The following TUSC3 variants were observed in gnomAD, a reference collection of about 807,000 sequenced individuals.
TUSC3 encodes dolichyl-diphosphooligosaccharide--protein glycosyltransferase subunit TUSC3.
TUSC3 carries 45 observed loss-of-function variants against 44.8 expected under a neutral mutation model. The observed-to-expected ratio is 1.00, with a 90% confidence interval of 0.79 to 1.29. The LOEUF is 1.29. Ranked by LOEUF, TUSC3 falls within the 50% of genes most tolerant of loss-of-function variation. The pLI, the probability that TUSC3 is intolerant of heterozygous loss-of-function variation, is 0.00. For synonymous variants in TUSC3, 212 were observed against 152.9 expected (o/e 1.39, Z -2.85); for missense variants, 519 against 437.9 (o/e 1.19, Z -1.65).
chr8:15,636,756 CCAGTGGGAGATTAA>C (rs1197256769), intron 2 of TUSC3, among the ~76,000 whole-genome samples: 4 of 152,116 alleles, frequency 2.6e-5, no homozygotes, highest in Non-Finnish European at 5.9e-5. Context: ...GACGAATGTT[CCAGTGGGAGATTAA>C]CTTATTTCAG....
At chr8:15,741,466 T>G (rs925626036) in intron 7 of TUSC3, among the ~76,000 whole-genome samples, 1 of 152,210 alleles carries the variant, frequency 6.6e-6, no homozygotes, top group Non-Finnish European at 1.5e-5. Context: ...CCCAGCACTT[T>G]GGGAGACCGA....
chr8:15,633,164 G>A (rs976696589), intron 2 of TUSC3, among the ~76,000 whole-genome samples: 2 of 152,114 alleles, frequency 1.3e-5, no homozygotes, highest in Non-Finnish European at 2.9e-5. Flanking sequence ...TATTATTGTA[G>A]CAGAGCATTA....
chr8:15,604,571 T>C (rs1804437080), intron 1 of TUSC3, among the ~76,000 whole-genome samples: 1 of 151,826 alleles, frequency 6.6e-6, no homozygotes, highest in Non-Finnish European at 1.5e-5. Flanking sequence ...AGATTATCAG[T>C]TGCAAAGGGG....
intron 6 of TUSC3, among the ~76,000 whole-genome samples, chr8:15,707,927 T>C (rs1231565700): frequency 6.6e-6 from 1 of 151,938 alleles, no homozygotes; most frequent in African/African-American, 2.4e-5. Context: ...TTGCTGGCAA[T>C]TGCTAGCGTT....
intron 2 of TUSC3, among the ~76,000 whole-genome samples, chr8:15,490,601 A>C (rs1201316199): frequency 1.3e-5 from 2 of 152,234 alleles, no homozygotes; most frequent in Non-Finnish European, 2.9e-5. Flanking sequence ...CAAAGTGTGC[A>C]GCTGCCAGGT....
chr8:15,790,577 A>G, the TUSC3 span, among the ~76,000 whole-genome samples: 2 of 151,878 alleles, frequency 1.3e-5, no homozygotes, highest in African/African-American at 2.4e-5. Context: ...AGTGCCACCT[A>G]TTGTTTCTGG....
At chr8:15,516,740 T>C (rs1048385815) in intron 2 of TUSC3, among the ~76,000 whole-genome samples, 1 of 152,196 alleles carries the variant, frequency 6.6e-6, no homozygotes, top group African/African-American at 2.4e-5. Context: ...GGTCATTTAC[T>C]ACTCCTGTAA....
At chr8:15,677,292 G>A (rs1031524484) in intron 6 of TUSC3, among the ~76,000 whole-genome samples, 1 of 152,110 alleles carries the variant, frequency 6.6e-6, no homozygotes, top group Non-Finnish European at 1.5e-5. Context: ...GAGCCACTGT[G>A]CCCATCTGTA....
intron 2 of TUSC3, among the ~76,000 whole-genome samples, chr8:15,521,395 G>A (rs917716180): frequency 1.3e-5 from 2 of 152,042 alleles, no homozygotes; most frequent in African/African-American, 4.8e-5. Flanking sequence ...AGGGGCAGCA[G>A]GAATGAAACA....
At chr8:15,585,945 A>T (rs1401611585) in intron 1 of TUSC3, among the ~76,000 whole-genome samples, 3 of 152,204 alleles carry the variant, frequency 2.0e-5, no homozygotes, top group Admixed American at 6.5e-5. Context: ...CACCCATAGA[A>T]TTCCTACGGA....
intron 6 of TUSC3, among the ~76,000 whole-genome samples, chr8:15,682,280 G>A (rs1051754623): frequency 1.6e-4 from 24 of 152,110 alleles, no homozygotes; most frequent in Non-Finnish European, 2.9e-4. Flanking sequence ...CTATTATTGT[G>A]TGCCTGTCCA....
intron 2 of TUSC3, among the ~76,000 whole-genome samples, chr8:15,508,969 G>C (rs377072822): frequency 6.6e-6 from 1 of 152,154 alleles, no homozygotes; most frequent in South Asian, 2.1e-4. Flanking sequence ...AACTGTCTCA[G>C]GTTCCAGAAG....
chr8:15,793,381 T>A, the TUSC3 span, among the ~76,000 whole-genome samples: 1 of 152,244 alleles, frequency 6.6e-6, no homozygotes, highest in Non-Finnish European at 1.5e-5. Context: ...TACTCCAGCC[T>A]TGCACACAGC....
At chr8:15,452,020 T>G (rs1350789948) in intron 1 of TUSC3, among the ~76,000 whole-genome samples, 4 of 150,894 alleles carry the variant, frequency 2.7e-5, no homozygotes, top group Admixed American at 6.6e-5. Flanking sequence ...ACAAGAGTAA[T>G]TAAAGTAAAA....
intron 2 of TUSC3, among the ~76,000 whole-genome samples, chr8:15,634,505 G>C (rs533833660): frequency 6.6e-6 from 1 of 152,152 alleles, no homozygotes; most frequent in Admixed American, 6.5e-5. Flanking sequence ...CATGAAAGCT[G>C]GGGTCTTCCA....
At chr8:15,753,037 T>TTAC (rs1811771403) in intron 9 of TUSC3, among the ~76,000 whole-genome samples, 1 of 152,104 alleles carries the variant, frequency 6.6e-6, no homozygotes, top group African/African-American at 2.4e-5. Context: ...ATTAAACAAA[T>TTAC]TTAAGTAATT....
intron 4 of TUSC3, 127 bp downstream of exon 4, chr8:15,659,774 G>A (rs1443381615): frequency 1.2e-5 from 14 of 1,212,096 alleles, no homozygotes; most frequent in Non-Finnish European, 1.7e-5. Context: ...AGAGAAAACT[G>A]TTCGATTACT....
chr8:15,710,771 TGC>T (rs1353463518), intron 6 of TUSC3, among the ~76,000 whole-genome samples: 2 of 150,082 alleles, frequency 1.3e-5, no homozygotes, highest in African/African-American at 4.9e-5. Flanking sequence ...CTTAGTAATT[TGC>T]ATGAAGTGAA....
rs1177025307 is a variant in TUSC3 at position 15,766,338 on chromosome 8, C to T, written c.*2182C>T. On this transcript the variant is annotated 3_prime_UTR_variant, in exon 11 of 11. Coordinates refer to ENST00000503731, the MANE Select transcript of TUSC3 (RefSeq NM_006765.4). ...CATATAGTTTGCTTGCAGAATGTAA[C>T]GTGCAAAATCACATACATGCGATGT... The T allele has an allele frequency of 3.3e-5, 5 of 151,996 alleles. No individual in the cohort carries two copies. The highest frequency in any genetic ancestry group is 7.4e-5 in the Non-Finnish European group (5 of 67,958). 9.4% of individuals were successfully genotyped at this position (151,996 alleles called of 1,614,324 possible). A position where few individuals can be genotyped will look rare whatever the true frequency, so the allele number is the denominator to read the frequency against.
Sources: gnomAD v4.1 joint callset for allele counts (sites outside exome capture counted in the v4.1 genomes callset) on GRCh38, gnomAD v4.1.1 for gene constraint, MANE v1.5 for transcripts, NCBI Gene and HGNC (gene_info 2026-07-23, HGNC 2026-07-21) for gene names.